The following RBFOX1 variants were observed in gnomAD, a reference collection of about 807,000 sequenced individuals.
RBFOX1 encodes RNA binding protein fox-1 homolog 1.
In RBFOX1, 8 loss-of-function variants were observed where a neutral mutation model predicts 57.7. The ratio of observed to expected loss-of-function variants is 0.14; its 90% CI spans 0.08 to 0.25. The LOEUF is 0.25. RBFOX1 is among the 10% of genes least tolerant of loss of function. The pLI is 1.00. For missense variants in RBFOX1, 611 were observed against 548.5 expected (o/e 1.11, Z -1.14); for synonymous variants, 326 against 222.4 (o/e 1.47, Z -4.15).
At chr16:7,161,993 C>T (rs571539618) in intron 4 of RBFOX1, among the ~76,000 whole-genome samples, 22 of 152,324 alleles carry the variant, frequency 1.4e-4, no homozygotes, top group African/African-American at 5.3e-4. Context: ...TCCCAGAACA[C>T]AGCCAGCTAG....
chr16:6,824,395 G>C (rs1051799435), intron 3 of RBFOX1, among the ~76,000 whole-genome samples: 4 of 152,172 alleles, frequency 2.6e-5, no homozygotes, highest in African/African-American at 9.7e-5. Flanking sequence ...GCAACAGAGC[G>C]AGATTCCATG....
chr16:6,819,157 C>G (rs974826182), intron 3 of RBFOX1, among the ~76,000 whole-genome samples: 4 of 152,088 alleles, frequency 2.6e-5, no homozygotes, highest in Non-Finnish European at 4.4e-5. Context: ...TATATTTGAC[C>G]CCTGTGAGCC....
chr16:5,574,841 G>A (rs955794781), intron 2 of RBFOX1, among the ~76,000 whole-genome samples: 5 of 152,196 alleles, frequency 3.3e-5, no homozygotes, highest in Non-Finnish European at 5.9e-5. Flanking sequence ...TGCAAGAAAG[G>A]CTTGGCTCCA....
chr16:6,701,066 C>T (rs1180615343), intron 3 of RBFOX1, among the ~76,000 whole-genome samples: 1 of 151,916 alleles, frequency 6.6e-6, no homozygotes, highest in African/African-American at 2.4e-5. Flanking sequence ...TGATGTGAGC[C>T]TGGAAAGCCT....
At chr16:6,831,995 G>C (rs1338951421) in intron 3 of RBFOX1, among the ~76,000 whole-genome samples, 1 of 152,108 alleles carries the variant, frequency 6.6e-6, no homozygotes, top group African/African-American at 2.4e-5. Context: ...TATACCGAAT[G>C]GTATCACTAA....
chr16:5,422,160 G>C (rs1319508530), intron 1 of RBFOX1, among the ~76,000 whole-genome samples: 1 of 151,936 alleles, frequency 6.6e-6, no homozygotes, highest in African/African-American at 2.4e-5. Flanking sequence ...GCTGAATATG[G>C]CATTGTTTGT....
chr16:5,707,919 A>G (rs1333975986), intron 3 of RBFOX1, among the ~76,000 whole-genome samples: 1 of 152,144 alleles, frequency 6.6e-6, no homozygotes, highest in East Asian at 1.9e-4. Flanking sequence ...TGTAACTTTG[A>G]GGGTGGTATT....
intron 2 of RBFOX1, among the ~76,000 whole-genome samples, chr16:6,546,907 A>C (rs539412832): frequency 6.6e-6 from 1 of 152,190 alleles, no homozygotes; most frequent in Non-Finnish European, 1.5e-5. Context: ...TTTGTGGACC[A>C]CACAGTTTTC....
At chr16:6,883,947 TG>T in intron 3 of RBFOX1, among the ~76,000 whole-genome samples, 1 of 152,280 alleles carries the variant, frequency 6.6e-6, no homozygotes, top group South Asian at 2.1e-4. Flanking sequence ...CGTTGCTACT[TG>T]CCACGGTCCA....
Position 6,339,079 on chromosome 16 carries a change from T to G in RBFOX1, c.-64+22022T>G, listed in dbSNP as rs189192027. On this transcript the variant is annotated intron_variant, in intron 2 of 15. Transcript: ENST00000550418. Reference sequence around the variant, plus strand: ...GAATATGGCAAGAAATGTATGTGCATGCAGTGAAAGCGGGCAGAAAACAAA... The same window carrying G: ...GAATATGGCAAGAAATGTATGTGCAGGCAGTGAAAGCGGGCAGAAAACAAA... Among the ~76,000 whole-genome samples, 89 of 152,282 alleles carry G rather than the reference T, an allele frequency of 5.8e-4. 1 individual carries two copies. The highest frequency in any genetic ancestry group is 2.0e-3 in the African/African-American group (82 of 41,560).
intron 4 of RBFOX1, among the ~76,000 whole-genome samples, chr16:7,276,543 A>G (rs757981060): frequency 3.3e-5 from 5 of 152,056 alleles, no homozygotes; most frequent in Non-Finnish European, 5.9e-5. Flanking sequence ...GGAGGCTTCT[A>G]TCCTTGACTG....
At chr16:6,226,216 A>G (rs1376571773) in intron 1 of RBFOX1, among the ~76,000 whole-genome samples, 1 of 151,026 alleles carries the variant, frequency 6.6e-6, no homozygotes, top group East Asian at 1.9e-4. Context: ...AAAAAAAAAA[A>G]AAAAAAATTA....
At chr16:5,274,269 C>G (rs1173097717) in intron 1 of RBFOX1, among the ~76,000 whole-genome samples, 1 of 152,204 alleles carries the variant, frequency 6.6e-6, no homozygotes, top group African/African-American at 2.4e-5. Flanking sequence ...TTGCTTATGC[C>G]TGTAATCTCA....
intron 4 of RBFOX1, among the ~76,000 whole-genome samples, chr16:7,417,935 C>T (rs896281717): frequency 9.2e-5 from 14 of 152,114 alleles, no homozygotes; most frequent in Non-Finnish European, 2.1e-4. Context: ...ATTAGGTACC[C>T]TGTTGGCCCT....
chr16:5,358,981 T>G (rs1039986758), intron 1 of RBFOX1, among the ~76,000 whole-genome samples: 1 of 152,242 alleles, frequency 6.6e-6, no homozygotes, highest in Non-Finnish European at 1.5e-5. Flanking sequence ...TCCTAGCCTC[T>G]GGTGGCCATC....
rs2095030919 is a variant in RBFOX1 at position 6,019,773 on chromosome 16, G to A, written c.-346G>A. 1.3e-5 allele frequency: 19 copies of A among 1,407,596 alleles called. No individual in the cohort carries two copies. The highest frequency in any genetic ancestry group is 2.7e-5 in the East Asian group (1 of 36,676). The allele number at this position is 1,407,596 out of a possible 1,614,324, so 87.2% of individuals were successfully genotyped here. On this transcript the variant is annotated 5_prime_UTR_variant, in exon 1 of 16. Transcript: ENST00000550418. This position sits in a 1 kb window ranked among gnomAD's most constrained non-coding sequence, Gnocchi z 4.2. ...CGCTCCAGACCCCCACCCAGTGGCCGCCAGGGTCCCCGCCTGTCCGGACCC... is the reference window on the plus strand; with the variant it reads ...CGCTCCAGACCCCCACCCAGTGGCCACCAGGGTCCCCGCCTGTCCGGACCC...
chr16:6,550,662 G>A (rs1409983992), intron 2 of RBFOX1, among the ~76,000 whole-genome samples: 1 of 152,166 alleles, frequency 6.6e-6, no homozygotes, highest in African/African-American at 2.4e-5. Context: ...TTCTTCATGA[G>A]CTTTTTCCAG....
At chr16:6,966,752 T>C (rs2084264700) in intron 3 of RBFOX1, among the ~76,000 whole-genome samples, 1 of 101,988 alleles carries the variant, frequency 9.8e-6, no homozygotes, top group Non-Finnish European at 2.0e-5. Flanking sequence ...TGCCTCTATC[T>C]GTCTGTCTGT....
intron 1 of RBFOX1, among the ~76,000 whole-genome samples, chr16:6,155,760 T>G (rs2096834072): frequency 6.6e-6 from 1 of 152,204 alleles, no homozygotes; most frequent in African/African-American, 2.4e-5. Flanking sequence ...CAGCGGCGGC[T>G]TCCATGTGGG....
Sources: allele counts gnomAD v4.1 joint callset (sites outside exome capture counted in the v4.1 genomes callset), GRCh38; gene constraint gnomAD v4.1.1; non-coding constraint Gnocchi (gnomAD v3.1); transcripts MANE v1.5; gene names NCBI Gene and HGNC (gene_info 2026-07-23, HGNC 2026-07-21).